The following RAB40B variants were observed in gnomAD, a reference collection of about 807,000 sequenced individuals.
RAB40B encodes ras-related protein Rab-40B.
In RAB40B, 21 loss-of-function variants were observed where a neutral mutation model predicts 24.0. The ratio of observed to expected loss-of-function variants is 0.88; its 90% CI spans 0.62 to 1.26. RAB40B has a LOEUF of 1.26. RAB40B is among the 50% of genes most tolerant of loss of function. RAB40B has a pLI of 0.00. For missense variants in RAB40B, 348 were observed against 390.5 expected, an observed-to-expected ratio of 0.89 and a Z score of 0.92; for synonymous variants, 167 against 169.8, an observed-to-expected ratio of 0.98 and a Z score of 0.13.
chr17:82,659,527 GACGTCCTCCCAAGCCT>G, intron 4 of RAB40B, 37 bp downstream of exon 4: 1 of 1,582,450 alleles, frequency 6.3e-7, no homozygotes, highest in Non-Finnish European at 8.7e-7. Flanking sequence ...TTCCTGGCCT[GACGTCCTCCCAAGCCT>G]ACAGGGATCT....
At chr17:82,665,255 C>T (rs1032012286) in intron 1 of RAB40B, among the ~76,000 whole-genome samples, 1 of 88,420 alleles carries the variant, frequency 1.1e-5, no homozygotes, top group Admixed American at 1.3e-4. Context: ...TGCCTTTCTT[C>T]TTCTTTTTTT....
chr17:82,664,633 A>G, intron 1 of RAB40B, 77 bp from the exon 2 acceptor site: 1 of 1,418,390 alleles, frequency 7.1e-7, no homozygotes, highest in Non-Finnish European at 9.8e-7. Flanking sequence ...TCAGGGAAGA[A>G]AAGGGTTTCT....
chr17:82,657,660 C>CGAAA lies in RAB40B; in HGVS notation c.*199_*202dup. ...TAATTTTCCCTTTACAAACACACAT[C>CGAAA]GAAAACAAGAGCTTCATGCACATCC... On this transcript the variant is annotated 3_prime_UTR_variant, in exon 6 of 6. Transcript: ENST00000571995. 1 of 716,784 alleles carries CGAAA rather than the reference C, an allele frequency of 1.4e-6. No individual in the cohort carries two copies. Among genetic ancestry groups the CGAAA allele is most frequent in the East Asian group, 2.7e-5 (1 of 36,998 alleles). The allele number at this position is 716,784 out of a possible 1,614,324, so 44.4% of individuals were successfully genotyped here.
chr17:82,670,086 T>C (rs936040354), intron 1 of RAB40B, among the ~76,000 whole-genome samples: 8 of 152,176 alleles, frequency 5.3e-5, no homozygotes, highest in Non-Finnish European at 1.2e-4. Context: ...AGGCTCATAT[T>C]TGTCTTTCCG....
chr17:82,659,423 C>T (rs866876994), intron 4 of RAB40B, 157 bp downstream of exon 4: 10 of 651,522 alleles, frequency 1.5e-5, no homozygotes, highest in East Asian at 5.4e-5. Flanking sequence ...AGTGTTGTGC[C>T]GAGGTGAGGC....
chr17:82,679,442 C>T (rs1369002419), intron 1 of RAB40B, among the ~76,000 whole-genome samples: 8 of 151,472 alleles, frequency 5.3e-5, no homozygotes, highest in African/African-American at 1.9e-4. Flanking sequence ...CCACCACGCC[C>T]AGCTAATTTT....
intron 1 of RAB40B, among the ~76,000 whole-genome samples, chr17:82,679,572 C>T (rs1201100208): frequency 4.6e-5 from 7 of 152,144 alleles, no homozygotes; most frequent in East Asian, 3.9e-4. Context: ...CCACTGCGCC[C>T]GGCCGCCACA....
At chr17:82,690,362 G>A (rs906812392) in intron 1 of RAB40B, among the ~76,000 whole-genome samples, 2 of 150,514 alleles carry the variant, frequency 1.3e-5, no homozygotes, top group African/African-American at 4.9e-5. Flanking sequence ...GTGTGTCCAG[G>A]GGGAGATCTG....
intron 1 of RAB40B, among the ~76,000 whole-genome samples, chr17:82,691,407 C>T (rs534142524): frequency 5.9e-5 from 9 of 152,038 alleles, no homozygotes; most frequent in South Asian, 2.1e-4. Context: ...TGCAAAAGGC[C>T]GGGCGCGGTG....
At chr17:82,658,230 G>T (rs796995765) in intron 5 of RAB40B, 96 bp from the exon 6 acceptor site, 3 of 1,506,972 alleles carry the variant, frequency 2.0e-6, no homozygotes, top group Non-Finnish European at 2.7e-6. Context: ...CCCTCCCAAG[G>T]CTCGGACGCC....
Position 82,679,926 on chromosome 17 carries a change from T to C in RAB40B, c.143-15370A>G, listed in dbSNP as rs566538116. On this transcript the variant is annotated intron_variant, in intron 1 of 5. Transcript: ENST00000571995. The stretch of plus-strand genomic sequence containing the variant: ...GTCGTGGGAGGCTCACGAAGAGACA[T>C]CGTCTTGGGGAAGGGGGATCAAGGC... Among the ~76,000 whole-genome samples the C allele has an allele frequency of 3.5e-3, 540 of 152,190 alleles. 2 individuals are homozygous for C. Among genetic ancestry groups the C allele is most frequent in the African/African-American group, 0.011 (467 of 41,518 alleles).
intron 1 of RAB40B, among the ~76,000 whole-genome samples, chr17:82,687,869 C>T (rs1383146122): frequency 2.0e-5 from 3 of 152,128 alleles, no homozygotes; most frequent in Non-Finnish European, 2.9e-5. Context: ...CCCAGAAATT[C>T]AAGACAAGCC....
intron 1 of RAB40B, among the ~76,000 whole-genome samples, chr17:82,685,792 CTCT>C (rs1363591535): frequency 1.4e-5 from 2 of 145,874 alleles, no homozygotes; most frequent in African/African-American, 5.0e-5. Flanking sequence ...GAAACAGGAT[CTCT>C]TCTTCTTCTT....
At position 82,666,285 on chromosome 17, in the gene RAB40B, C is replaced by T. The variant is rs540060939; in HGVS notation, c.143-1729G>A. On this transcript the variant is annotated intron_variant, in intron 1 of 5. Coordinates refer to ENST00000571995, the MANE Select transcript of RAB40B (RefSeq NM_006822.3). ...TTGAGATGGAATTTCGCTCTTGTTG[C>T]CCAGGCTGGAGTGCAGTGGTGCAAT... Among the ~76,000 whole-genome samples the T allele has an allele frequency of 1.1e-4, 16 of 151,644 alleles. No individual in the cohort carries two copies. The South Asian group carries it at 3.3e-3, about 32-fold the overall frequency.
At chr17:82,680,948 T>G (rs1376866340) in intron 1 of RAB40B, among the ~76,000 whole-genome samples, 4 of 137,268 alleles carry the variant, frequency 2.9e-5, no homozygotes, top group African/African-American at 1.1e-4. Flanking sequence ...GAGAATCATT[T>G]GAACCCGGGA....
At chr17:82,698,355 G>T in intron 1 of RAB40B, 100 bp downstream of exon 1, 1 of 686,022 alleles carries the variant, frequency 1.5e-6, no homozygotes, top group Non-Finnish European at 1.8e-6. Flanking sequence ...GCCCGGTCTC[G>T]CGTCCCCGGA....
intron 1 of RAB40B, among the ~76,000 whole-genome samples, chr17:82,690,155 CCT>C (rs1157850738): frequency 6.6e-5 from 10 of 152,268 alleles, no homozygotes; most frequent in African/African-American, 2.4e-5. Flanking sequence ...AGCAAATCCA[CCT>C]CTGTCTGAAG....
At position 82,698,576 on chromosome 17, in the gene RAB40B, C is replaced by T. The variant is rs1425858626; in HGVS notation, c.21G>A (p.Pro7=). 6.0e-6 allele frequency: 9 copies of T among 1,498,268 alleles called. No individual in the cohort carries two copies. The South Asian group carries it at 6.1e-5, about 10-fold the overall frequency. The allele number at this position is 1,498,268 out of a possible 1,614,324, so 92.8% of individuals were successfully genotyped here. A position where few individuals can be genotyped will look rare whatever the true frequency, so the allele number is the denominator to read the frequency against. MSALGS[P]VRAYDFLLKF... ...TGAGCAGAAAGTCGTAGGCCCGGACCGGGCTGCCCAGGGCGCTCATCGTGA... is the reference window on the plus strand; with the variant it reads ...TGAGCAGAAAGTCGTAGGCCCGGACTGGGCTGCCCAGGGCGCTCATCGTGA... Residue 7 remains proline, a synonymous_variant, in exon 1 of 6, where the codon CCG becomes CCA. Coordinates refer to ENST00000571995, the MANE Select transcript of RAB40B (RefSeq NM_006822.3).
At position 82,658,144 on chromosome 17, in the gene RAB40B, G is replaced by A. The variant is rs771479021; in HGVS notation, c.566-10C>T. 9 of 1,611,520 alleles carry A rather than the reference G, an allele frequency of 5.6e-6. No homozygotes were observed. In the South Asian group the frequency reaches 9.9e-5, roughly 18 times the overall value. On this transcript the variant is annotated splice_polypyrimidine_tract_variant and intron_variant, in intron 5 of 5. Coordinates refer to ENST00000571995, the MANE Select transcript of RAB40B (RefSeq NM_006822.3). ...TCTTGCAAGCTCAGCACTTGGGAGAGAAAAGATAAACCTTGCTTAGTGGAT... is the reference window on the plus strand; with the variant it reads ...TCTTGCAAGCTCAGCACTTGGGAGAAAAAAGATAAACCTTGCTTAGTGGAT...
Sources: allele counts gnomAD v4.1 joint callset (sites outside exome capture counted in the v4.1 genomes callset), GRCh38; gene constraint gnomAD v4.1.1; transcripts MANE v1.5; gene names NCBI Gene and HGNC (gene_info 2026-07-23, HGNC 2026-07-21).